Variants in QSER1 observed in about 807,000 individuals in gnomAD.
The protein encoded by QSER1 is glutamine and serine-rich protein 1.
Under a neutral mutation model 158.5 loss-of-function variants are expected in QSER1, and 49 were observed. The observed-to-expected ratio is 0.31, with a 90% CI of 0.25 to 0.39. The LOEUF (loss-of-function observed/expected upper bound fraction) is 0.39. Ranked by LOEUF, QSER1 falls within the 10% of genes least tolerant of loss-of-function variation. The probability of loss-of-function intolerance (pLI) is 1.00; values close to 1 mark genes in which losing one functional copy is unlikely to be tolerated. For missense variants in QSER1, 1,754 were observed against 2,010.3 expected, an observed-to-expected ratio of 0.87 and a Z score of 2.44; for synonymous variants, 650 against 715.5, an observed-to-expected ratio of 0.91 and a Z score of 1.46.
At chr11:32,917,835 A>AC (rs1554925359) in intron 1 of QSER1, among the ~76,000 whole-genome samples, 13 of 151,010 alleles carry the variant, frequency 8.6e-5, no homozygotes, top group Middle Eastern at 6.8e-3. Flanking sequence ...AAAAAAAAAA[A>AC]AAAAAAAAAC....
At chr11:32,974,947 CAGG>C (rs1435525911) in intron 11 of QSER1, among the ~76,000 whole-genome samples, 1 of 152,074 alleles carries the variant, frequency 6.6e-6, no homozygotes, top group African/African-American at 2.4e-5. Flanking sequence ...AGCTCTGAAG[CAGG>C]AGATTATAGG....
At chr11:32,970,593 CAG>C (rs772673195) in intron 10 of QSER1, among the ~76,000 whole-genome samples, 17 of 152,082 alleles carry the variant, frequency 1.1e-4, no homozygotes, top group Non-Finnish European at 2.5e-4. Flanking sequence ...TCAGTAGAGA[CAG>C]GGTTTCACCA....
chr11:32,919,583 C>T (rs1286765261), intron 1 of QSER1, among the ~76,000 whole-genome samples: 1 of 152,108 alleles, frequency 6.6e-6, no homozygotes, highest in Non-Finnish European at 1.5e-5. Flanking sequence ...ACTGATAAAG[C>T]CTTTATCACC....
In QSER1 at chr11:32,932,587, TA is replaced by T. The variant is rs1294083733; in HGVS notation, c.1331del (p.Asn444IlefsTer5). 6.2e-7 allele frequency: 1 copy of T among 1,614,158 alleles called. No homozygotes were observed. Among genetic ancestry groups the T allele is most frequent in the South Asian group, 1.1e-5 (1 of 91,078 alleles). ...QTLSYSKPLH[N>X]QSSVISGQAQ... is the part of the protein sequence containing the mutation. ...CACTAAGCTATTCCAAACCTTTACA[TA>T]ATCAGAGTTCTGTAATATCGGGCCA... On this transcript the variant is annotated frameshift_variant, in exon 4 of 13. Transcript: ENST00000650167. LOFTEE classifies it high-confidence loss of function.
At chr11:32,896,227 C>T (rs987565606) in intron 1 of QSER1, among the ~76,000 whole-genome samples, 17 of 152,112 alleles carry the variant, frequency 1.1e-4, no homozygotes, top group African/African-American at 4.1e-4. Context: ...GTACTTGATA[C>T]TTATATCTTG....
intron 12 of QSER1, chr11:32,975,732 C>A: frequency 2.3e-6 from 2 of 863,500 alleles, no homozygotes; most frequent in Non-Finnish European, 2.9e-6. Context: ...CCTTATCCCA[C>A]TTAATTGCAG....
intron 8 of QSER1, among the ~76,000 whole-genome samples, chr11:32,965,944 A>AACACACACACACACACAC (rs5790910): frequency 0.031 from 3,812 of 123,544 alleles, 187 homozygotes; most frequent in East Asian, 0.059. Flanking sequence ...TCTGTCTCAA[A>AACACACACACACACACAC]ACACACACAC....
chr11:32,912,567 GT>G (rs2133510627), intron 1 of QSER1, among the ~76,000 whole-genome samples: 1 of 152,082 alleles, frequency 6.6e-6, no homozygotes, highest in African/African-American at 2.4e-5. Flanking sequence ...GATGTATATA[GT>G]TTGAAAAAAC....
chr11:32,969,468 C>G (rs186932993), intron 10 of QSER1, among the ~76,000 whole-genome samples: 36 of 152,142 alleles, frequency 2.4e-4, no homozygotes, highest in Admixed American at 3.9e-4. Context: ...TATCAAAATT[C>G]ACCGTACTTG....
intron 1 of QSER1, among the ~76,000 whole-genome samples, chr11:32,905,532 A>G (rs1490983132): frequency 1.4e-5 from 2 of 141,478 alleles, no homozygotes; most frequent in East Asian, 3.8e-4. Context: ...AATTAAGTAG[A>G]ACTGTGCCTA....
At position 32,939,136 on chromosome 11, in the gene QSER1, T is replaced by A. The variant is rs543134763; in HGVS notation, c.4177+3701T>A. ...TATCAAGTCAGTGGAAGTAGAATGT[T>A]AGAGCTATATAGTCTAGTTACAATT... On this transcript the variant is annotated intron_variant, in intron 4 of 12. Coordinates refer to ENST00000650167, the MANE Select transcript of QSER1 (RefSeq NM_001076786.3). Among the ~76,000 whole-genome samples, 36 of 152,334 alleles carry A rather than the reference T, an allele frequency of 2.4e-4. No individual in the cohort carries two copies. The South Asian group carries it at 3.3e-3, about 14-fold the overall frequency.
intron 1 of QSER1, among the ~76,000 whole-genome samples, chr11:32,908,930 C>A (rs1051482775): frequency 6.6e-6 from 1 of 152,110 alleles, no homozygotes; most frequent in Admixed American, 6.5e-5. Context: ...GAGTTTGAGA[C>A]GGGCAGATCT....
intron 1 of QSER1, among the ~76,000 whole-genome samples, chr11:32,914,632 T>C (rs986922966): frequency 1.3e-5 from 2 of 152,196 alleles, no homozygotes; most frequent in African/African-American, 4.8e-5. Flanking sequence ...GTTTTATTTC[T>C]TAAGCATCAT....
chr11:32,931,301 C>T (rs914758734), intron 3 of QSER1, among the ~76,000 whole-genome samples: 1 of 151,888 alleles, frequency 6.6e-6, no homozygotes, highest in African/African-American at 2.4e-5. Context: ...CTAGCTAATC[C>T]AGGCGTGGTG....
chr11:32,937,223 A>G (rs1852165116), intron 4 of QSER1, among the ~76,000 whole-genome samples: 1 of 152,188 alleles, frequency 6.6e-6, no homozygotes, highest in Non-Finnish European at 1.5e-5. Flanking sequence ...ATCTGAAAAA[A>G]GCTATCATTT....
At chr11:32,931,613 A>G in intron 3 of QSER1, 130 bp from the exon 4 acceptor site, 2 of 646,890 alleles carry the variant, frequency 3.1e-6, no homozygotes, top group South Asian at 4.5e-5. Context: ...ATTTACATGC[A>G]GAACTAACTG....
At chr11:32,914,362 TTCTC>T (rs1167195469) in intron 1 of QSER1, among the ~76,000 whole-genome samples, 2 of 152,228 alleles carry the variant, frequency 1.3e-5, no homozygotes, top group African/African-American at 4.8e-5. Context: ...ATGTTTATCT[TTCTC>T]AACTATGAAA....
chr11:32,928,471 TA>T (rs1201026018), intron 3 of QSER1, among the ~76,000 whole-genome samples: 7 of 152,002 alleles, frequency 4.6e-5, no homozygotes, highest in African/African-American at 1.7e-4. Context: ...GGTGTTATAG[TA>T]AAAAAAATCT....
intron 1 of QSER1, among the ~76,000 whole-genome samples, chr11:32,915,609 T>G (rs775300066): frequency 6.6e-6 from 1 of 152,222 alleles, no homozygotes. Context: ...AGACCATGTT[T>G]TGAGGCATGC....
Sources: allele counts gnomAD v4.1 joint callset (sites outside exome capture counted in the v4.1 genomes callset), GRCh38; gene constraint gnomAD v4.1.1; transcripts MANE v1.5; gene names NCBI Gene and HGNC (gene_info 2026-07-23, HGNC 2026-07-21).